PCDH17: variants seen among roughly 807,000 people sequenced by gnomAD.
The protein encoded by PCDH17 is protocadherin-17.
A neutral mutation model predicts 67.7 loss-of-function variants in PCDH17; 21 were observed. The ratio of observed to expected loss-of-function variants is 0.31; its 90% CI spans 0.22 to 0.45. PCDH17 has a LOEUF of 0.45. PCDH17 is among the 20% of genes least tolerant of loss of function. PCDH17 has a pLI of 1.00. For synonymous variants in PCDH17, 701 were observed against 656.7 expected, an observed-to-expected ratio of 1.07 and a Z score of -1.03; for missense variants, 1,471 against 1,564.8, an observed-to-expected ratio of 0.94 and a Z score of 1.01.
chr13:57,637,082 A>T, intron 1 of PCDH17, among the ~76,000 whole-genome samples: 1 of 152,128 alleles, frequency 6.6e-6, no homozygotes, highest in Non-Finnish European at 1.5e-5. Flanking sequence ...CCTCTCATTG[A>T]CAGTAAAACT....
intron 1 of PCDH17, among the ~76,000 whole-genome samples, chr13:57,641,572 AAAAAAAAAAAAAAAAATATAT>A (rs1323465184): frequency 7.9e-4 from 35 of 44,334 alleles, no homozygotes; most frequent in African/African-American, 2.9e-3. Context: ...AAAAAAAAAA[AAAAAAAAAAAAAAAAATATAT>A]ATATATATAT....
At chr13:57,686,895 C>T (rs533202088) in intron 3 of PCDH17, among the ~76,000 whole-genome samples, 156 of 152,080 alleles carry the variant, frequency 1.0e-3, no homozygotes, top group Non-Finnish European at 2.0e-3. Flanking sequence ...CAGCCTAGAA[C>T]GCACTGTGGT....
Position 57,725,259 on chromosome 13 carries a change from TGCCGGG to T in PCDH17, c.3447_3452del (p.Cys1149_Gly1151delinsTer). 2 of 1,609,964 alleles carry T rather than the reference TGCCGGG, an allele frequency of 1.2e-6. No individual in the cohort carries two copies. The highest frequency in any genetic ancestry group is 2.2e-5 in the South Asian group (2 of 90,916). On this transcript the variant is annotated stop_gained and inframe_deletion, in exon 4 of 4. Coordinates refer to ENST00000377918, the MANE Select transcript of PCDH17 (RefSeq NM_001040429.3). LOFTEE classifies it high-confidence loss of function. Reference sequence around the variant, plus strand: ...AGAAATTGATAAGCTTTTGCAAGACTGCCGGGGAAACGACCCTGTGGCTGTGAGAAA... The same window carrying T: ...AGAAATTGATAAGCTTTTGCAAGACTGAAACGACCCTGTGGCTGTGAGAAA...
chr13:57,634,869 G>A lies in PCDH17; in HGVS notation c.2323G>A (p.Glu775Lys). 1.9e-6 allele frequency: 3 copies of A among 1,614,094 alleles called. No individual in the cohort carries two copies. Among genetic ancestry groups the A allele is most frequent in the Non-Finnish European group, 2.5e-6 (3 of 1,180,032 alleles). The change falls in exon 1 of 4, where the codon GAG (glutamate) becomes AAG (lysine). Residue 775 changes from glutamate (E) to lysine (K), a missense_variant. Physicochemically the swap from Glu to Lys is moderately conservative, Grantham distance 56. Transcript: ENST00000377918. The surrounding 1 kb of genome is among the most constrained non-coding windows in gnomAD (Gnocchi z 7.8). Reference protein sequence around the residue: ...NDIMLVQSEVEERNAMNVMNV... With the variant: ...NDIMLVQSEVKERNAMNVMNV... Reference sequence around the variant, plus strand: ...TATCATGCTGGTGCAGAGCGAAGTGGAGGAGAGGAACGCCATGAACGTCAT... The same window carrying A: ...TATCATGCTGGTGCAGAGCGAAGTGAAGGAGAGGAACGCCATGAACGTCAT...
intron 3 of PCDH17, among the ~76,000 whole-genome samples, chr13:57,709,340 C>T (rs963937910): frequency 2.6e-5 from 4 of 151,696 alleles, no homozygotes; most frequent in African/African-American, 9.7e-5. Flanking sequence ...CTTCTATCCA[C>T]TATTGCAGAA....
intron 3 of PCDH17, among the ~76,000 whole-genome samples, chr13:57,702,300 G>T (rs912383492): frequency 1.3e-5 from 2 of 151,986 alleles, no homozygotes; most frequent in African/African-American, 4.8e-5. Flanking sequence ...CAGAGTTTGT[G>T]CCTGAATTAT....
intron 3 of PCDH17, among the ~76,000 whole-genome samples, chr13:57,682,315 T>C (rs943514585): frequency 1.3e-5 from 2 of 151,780 alleles, no homozygotes; most frequent in African/African-American, 4.8e-5. Flanking sequence ...ACCCCCAGTG[T>C]ATCTCCCTAC....
chr13:57,695,444 A>G (rs1955598008), intron 3 of PCDH17, among the ~76,000 whole-genome samples: 1 of 151,004 alleles, frequency 6.6e-6, no homozygotes, highest in East Asian at 1.9e-4. Flanking sequence ...AGAAAGAAAG[A>G]AAGAAAAGGA....
intron 3 of PCDH17, among the ~76,000 whole-genome samples, chr13:57,672,201 T>C (rs1430361664): frequency 6.6e-6 from 1 of 152,110 alleles, no homozygotes; most frequent in Non-Finnish European, 1.5e-5. Flanking sequence ...TCCTTAAGGA[T>C]GGCCTTTTTT....
intron 1 of PCDH17, among the ~76,000 whole-genome samples, chr13:57,657,352 T>C (rs1432227681): frequency 1.3e-5 from 2 of 152,198 alleles, no homozygotes; most frequent in Non-Finnish European, 2.9e-5. Context: ...AAAACACAAA[T>C]GTCAACCACA....
chr13:57,668,320 G>A (rs2138026987), intron 3 of PCDH17, among the ~76,000 whole-genome samples: 1 of 152,102 alleles, frequency 6.6e-6, no homozygotes, highest in Non-Finnish European at 1.5e-5. Context: ...TAAAATGATT[G>A]ATAGATAATT....
chr13:57,666,853 G>T lies in PCDH17; in HGVS notation c.2797+20G>T. On this transcript the variant is annotated intron_variant, in intron 3 of 3. Coordinates refer to ENST00000377918, the MANE Select transcript of PCDH17 (RefSeq NM_001040429.3). ...AACAAGGTGAGTGAAGTCTTCCAAT[G>T]CTTACAAAGTGTAAAGCTTAAGCAG... The T allele has an allele frequency of 1.3e-6, 2 of 1,581,988 alleles. No homozygotes were observed. The highest frequency in any genetic ancestry group is 2.3e-5 in the South Asian group (2 of 87,672).
At chr13:57,655,031 A>G (rs1955086506) in intron 1 of PCDH17, among the ~76,000 whole-genome samples, 1 of 152,002 alleles carries the variant, frequency 6.6e-6, no homozygotes, top group Non-Finnish European at 1.5e-5. Context: ...ATTATAAAAT[A>G]TGTTGGCTGA....
rs1366062946 is a variant in PCDH17, at chr13:57,727,950, T to A, written c.*2656T>A. The A allele has an allele frequency of 6.6e-6, 1 of 152,582 alleles. No individual in the cohort carries two copies. The highest frequency in any genetic ancestry group is 1.5e-5 in the Non-Finnish European group (1 of 67,992). The allele number at this position is 152,582 out of a possible 1,614,324, so 9.5% of individuals were successfully genotyped here. On this transcript the variant is annotated 3_prime_UTR_variant, in exon 4 of 4. Transcript: ENST00000377918. ...AACCAGTTGTTCAATTTATTATATG[T>A]GTCTGAGGACATTAAAACACCATAA...
At chr13:57,635,164 T>C in intron 1 of PCDH17, 53 bp downstream of exon 1, 1 of 1,587,932 alleles carries the variant, frequency 6.3e-7, no homozygotes, top group East Asian at 2.2e-5. Context: ...GTTTTGGAGC[T>C]GTCCTGAAAC....
rs147572809 is a variant in PCDH17, at chr13:57,634,974, C to A, written c.2428C>A (p.Arg810=). The change falls in exon 1 of 4, where the codon CGG becomes AGG. Residue 810 remains arginine, a synonymous_variant. Transcript: ENST00000377918. The surrounding 1 kb of genome is among the most constrained non-coding windows in gnomAD (Gnocchi z 7.8). ...GACCCGCCTGCCCCTCAGCTCGCCC[C>A]GGTCGGAGGTGATGTATCTCAAACC... The part of the protein sequence containing the change: ...YQTRLPLSSP[R]SEVMYLKPAS... 10 of 1,613,910 alleles carry A rather than the reference C, an allele frequency of 6.2e-6. No individual in the cohort carries two copies. The highest frequency in any genetic ancestry group is 6.8e-6 in the Non-Finnish European group (8 of 1,180,012).
At chr13:57,710,477 A>G (rs1222866431) in intron 3 of PCDH17, among the ~76,000 whole-genome samples, 1 of 151,908 alleles carries the variant, frequency 6.6e-6, no homozygotes. Flanking sequence ...ATCTCTAAGT[A>G]TGCTTTACAT....
rs748633440 is a variant in PCDH17, at chr13:57,724,842, A to G, written c.3028A>G (p.Ile1010Val). 1.2e-6 allele frequency: 2 copies of G among 1,614,186 alleles called. No homozygotes were observed. Among genetic ancestry groups the G allele is most frequent in the South Asian group, 2.2e-5 (2 of 91,088 alleles). ...TFGKDKREHTILIANVKPYLK... is the reference protein window; with the variant it reads ...TFGKDKREHTVLIANVKPYLK... ...TGGAAAAGACAAGCGAGAGCACACT[A>G]TTCTCATTGCCAACGTTAAACCTTA... The change falls in exon 4 of 4, where the codon ATT becomes GTT. Residue 1010 changes from isoleucine (I) to valine (V), a missense_variant. Around this residue, in one of 3 missense-constraint regions of PCDH17, gnomAD observed 297 missense variants for 298.6 expected, o/e 0.99. Coordinates refer to ENST00000377918, the MANE Select transcript of PCDH17 (RefSeq NM_001040429.3).
intron 3 of PCDH17, among the ~76,000 whole-genome samples, chr13:57,688,410 A>C (rs1955527207): frequency 6.6e-6 from 1 of 152,096 alleles, no homozygotes; most frequent in Non-Finnish European, 1.5e-5. Context: ...CACATTGACT[A>C]AATGACAATT....
Sources: allele counts gnomAD v4.1 joint callset (sites outside exome capture counted in the v4.1 genomes callset), GRCh38; gene constraint gnomAD v4.1.1; regional missense constraint gnomAD v4.1.1; non-coding constraint Gnocchi (gnomAD v3.1); transcripts MANE v1.5; gene names NCBI Gene and HGNC (gene_info 2026-07-23, HGNC 2026-07-21).